The following LTV1 variants were observed in gnomAD, a reference collection of about 807,000 sequenced individuals.
LTV1 encodes the protein protein LTV1 homolog.
In LTV1, 39 loss-of-function variants were observed where a neutral mutation model predicts 59.9. That is an observed-to-expected ratio of 0.65 (90% CI 0.50 to 0.85). LTV1 has a LOEUF of 0.85. Ranked by LOEUF, LTV1 falls within the 40% of genes least tolerant of loss-of-function variation. LTV1 has a pLI of 0.00. For synonymous variants in LTV1, 171 were observed against 189.5 expected, an observed-to-expected ratio of 0.90 and a Z score of 0.80; for missense variants, 493 against 549.1, an observed-to-expected ratio of 0.90 and a Z score of 1.02.
Position 143,858,458 on chromosome 6 carries a change from CT to C in LTV1, c.795+454del, listed in dbSNP as rs1277065214. The C allele has an allele frequency of 1.7e-4, 29 of 167,670 alleles. No homozygotes were observed. The East Asian group carries it at 4.5e-3, about 26-fold the overall frequency. The allele number at this position is 167,670 out of a possible 1,614,324, so 10.4% of individuals were successfully genotyped here. The stretch of plus-strand genomic sequence containing the variant: ...CCTCACCATCTCTAATGTTGTGCTT[CT>C]TTATTATGTATGTCATATATGGATT... On this transcript the variant is annotated intron_variant, in intron 6 of 10. Transcript: ENST00000367576.
At chr6:143,848,181 A>G (rs1475709075) in intron 3 of LTV1, among the ~76,000 whole-genome samples, 1 of 152,232 alleles carries the variant, frequency 6.6e-6, no homozygotes, top group Non-Finnish European at 1.5e-5. Flanking sequence ...ATTTAACACA[A>G]ACTGACCTTG....
chr6:143,858,871 G>C (rs1412391758), intron 6 of LTV1, among the ~76,000 whole-genome samples: 1 of 152,068 alleles, frequency 6.6e-6, no homozygotes, highest in Admixed American at 6.6e-5. Flanking sequence ...TGAAAACAGC[G>C]TATCTCTTTA....
chr6:143,861,983 G>A (rs1459096643), intron 7 of LTV1, 121 bp from the exon 8 acceptor site: 8 of 915,162 alleles, frequency 8.7e-6, no homozygotes, highest in African/African-American at 1.7e-5. Context: ...TGGGTCACTG[G>A]AATATGTGCA....
intron 3 of LTV1, 38 bp from the exon 4 acceptor site, chr6:143,850,093 C>T: frequency 1.9e-6 from 3 of 1,540,284 alleles, no homozygotes; most frequent in Non-Finnish European, 2.7e-6. Context: ...AGAAGAATTT[C>T]CAAATAAACC....
chr6:143,862,534 C>T lies in LTV1; in HGVS notation c.1063+291C>T, dbSNP rs551648639. Among the ~76,000 whole-genome samples the T allele has an allele frequency of 3.3e-5, 5 of 151,964 alleles. No individual in the cohort carries two copies. The highest frequency in any genetic ancestry group is 5.9e-5 in the Non-Finnish European group (4 of 67,976). On this transcript the variant is annotated intron_variant, in intron 8 of 10. Coordinates refer to ENST00000367576, the MANE Select transcript of LTV1 (RefSeq NM_032860.5). The surrounding 1 kb of genome is among the most constrained non-coding windows in gnomAD (Gnocchi z 4.2). ...CTGGGAGGCAGAGGTTGCAATGAGC[C>T]GAGATCATGCCATTGCACTCCAACC...
At position 143,843,427 on chromosome 6, in the gene LTV1, C is replaced by G. The variant is rs372194067; in HGVS notation, c.-51C>G. 2 of 1,611,560 alleles carry G rather than the reference C, an allele frequency of 1.2e-6. No homozygotes were observed. The highest frequency in any genetic ancestry group is 1.3e-5 in the African/African-American group (1 of 75,030). ...GGACCTTGGTCTCCCCGCCGGACTT[C>G]GAGGGTGTCATCGCCGCCCCTGTTG... On this transcript the variant is annotated 5_prime_UTR_variant, in exon 1 of 11. Coordinates refer to ENST00000367576, the MANE Select transcript of LTV1 (RefSeq NM_032860.5).
rs915872634 is a variant in LTV1 at position 143,855,311 on chromosome 6, A to G, written c.398-1992A>G. On this transcript the variant is annotated intron_variant, in intron 4 of 10. Coordinates refer to ENST00000367576, the MANE Select transcript of LTV1 (RefSeq NM_032860.5). This position sits in a 1 kb window ranked among gnomAD's most constrained non-coding sequence, Gnocchi z 4.6. The stretch of plus-strand genomic sequence containing the variant: ...TCCATTTGCTTGGTAAATATCCTCC[A>G]TTCCTTTATTTTGAGTCTGTGTGCG... Among the ~76,000 whole-genome samples the G allele has an allele frequency of 1.3e-5, 2 of 151,982 alleles. No homozygotes were observed. Among genetic ancestry groups the G allele is most frequent in the African/African-American group, 4.8e-5 (2 of 41,374 alleles).
intron 6 of LTV1, among the ~76,000 whole-genome samples, chr6:143,859,504 T>C (rs906719491): frequency 1.1e-4 from 16 of 152,210 alleles, no homozygotes; most frequent in African/African-American, 3.1e-4. Flanking sequence ...AAGTTTAAAG[T>C]GTTCCATAAA....
At position 143,848,473 on chromosome 6, in the gene LTV1, G is replaced by GTA. The variant is rs994766710; in HGVS notation, c.310-1657_310-1656dup. Among the ~76,000 whole-genome samples the GTA allele has an allele frequency of 2.0e-5, 3 of 152,156 alleles. No individual in the cohort carries two copies. The South Asian group carries it at 6.2e-4, about 32-fold the overall frequency. On this transcript the variant is annotated intron_variant, in intron 3 of 10. Coordinates refer to ENST00000367576, the MANE Select transcript of LTV1 (RefSeq NM_032860.5). ...TCTTGCTGTGTGTACACTGCCATAT[G>GTA]TAGCCTTTACTCATGCTCCTCAGAG...
At chr6:143,861,683 G>C (rs1243220466) in intron 7 of LTV1, among the ~76,000 whole-genome samples, 1 of 152,152 alleles carries the variant, frequency 6.6e-6, no homozygotes, top group Admixed American at 6.5e-5. Flanking sequence ...TTCTCTGAGA[G>C]AAACTGATGA....
At position 143,850,210 on chromosome 6, in the gene LTV1, C is replaced by A; in HGVS notation, c.389C>A (p.Pro130Gln). 6.2e-7 allele frequency: 1 copy of A among 1,612,204 alleles called. No individual in the cohort carries two copies. Among genetic ancestry groups the A allele is most frequent in the Non-Finnish European group, 8.5e-7 (1 of 1,178,776 alleles). ...GTTGGATTGTTAAATAAAGCAGCTCCAGTTTCAGGTATTTTTAATTGCTTT... is the reference window on the plus strand; with the variant it reads ...GTTGGATTGTTAAATAAAGCAGCTCAAGTTTCAGGTATTTTTAATTGCTTT... ...EDVGLLNKAAPVSGPRLDFDP... is the reference protein window; with the variant it reads ...EDVGLLNKAAQVSGPRLDFDP... The change falls in exon 4 of 11, where the codon CCA (proline) becomes CAA (glutamine). Residue 130 changes from proline to glutamine, a missense_variant. By Grantham distance (76) the Pro-to-Gln change is moderately conservative (BLOSUM62 -1). Transcript: ENST00000367576.
chr6:143,858,116 A>G (rs560695368), intron 6 of LTV1, 109 bp downstream of exon 6: 6 of 1,012,018 alleles, frequency 5.9e-6, no homozygotes, highest in South Asian at 3.0e-5. Context: ...CACAAAGTCA[A>G]TCATAGGAAG....
chr6:143,846,691 G>C (rs1308207145), intron 3 of LTV1, among the ~76,000 whole-genome samples: 5 of 152,130 alleles, frequency 3.3e-5, no homozygotes, highest in Non-Finnish European at 7.3e-5. Flanking sequence ...CAAATGTTCG[G>C]TCCACTTTAA....
At chr6:143,849,108 T>G (rs1050255065) in intron 3 of LTV1, among the ~76,000 whole-genome samples, 1 of 152,190 alleles carries the variant, frequency 6.6e-6, no homozygotes, top group African/African-American at 2.4e-5. Context: ...TAAAGGAGCT[T>G]AATCTCGCCA....
At position 143,862,866 on chromosome 6, in the gene LTV1, C is replaced by A; in HGVS notation, c.1086C>A (p.Asn362Lys). Residue 362 changes from asparagine (N) to lysine (K), a missense_variant, in exon 9 of 11, where the codon AAC becomes AAA. Transcript: ENST00000367576. This position sits in a 1 kb window ranked among gnomAD's most constrained non-coding sequence, Gnocchi z 4.2. ...SICSTYSNLY[N>K]HPQLIKYQPK... ...TAGGTACATACTCAAATTTATATAA[C>A]CATCCACAGCTTATCAAGTATCAAC... The A allele has an allele frequency of 6.3e-7, 1 of 1,592,014 alleles. No individual in the cohort carries two copies. Among genetic ancestry groups the A allele is most frequent in the African/African-American group, 1.3e-5 (1 of 74,484 alleles).
In LTV1 at chr6:143,862,068, C is replaced by T; in HGVS notation, c.924-36C>T. 1 of 1,590,234 alleles carries T rather than the reference C, an allele frequency of 6.3e-7. No homozygotes were observed. The highest frequency in any genetic ancestry group is 2.2e-5 in the East Asian group (1 of 44,580). On this transcript the variant is annotated intron_variant, in intron 7 of 10. Coordinates refer to ENST00000367576, the MANE Select transcript of LTV1 (RefSeq NM_032860.5). The surrounding 1 kb of genome is among the most constrained non-coding windows in gnomAD (Gnocchi z 4.2). ...AGTATAATAATAGGTCATTTTTCCC[C>T]CTCTTGGTCTTCACTTTTAAAAACT...
At chr6:143,860,696 G>A in intron 7 of LTV1, 143 bp downstream of exon 7, 2 of 684,728 alleles carry the variant, frequency 2.9e-6, no homozygotes, top group Non-Finnish European at 4.4e-6. Context: ...AAGGAAAAAA[G>A]AAAAGGGGAA....
rs1777146309 is a variant in LTV1 at position 143,860,572 on chromosome 6, C to A, written c.923+19C>A. On this transcript the variant is annotated intron_variant, in intron 7 of 10. Coordinates refer to ENST00000367576, the MANE Select transcript of LTV1 (RefSeq NM_032860.5). ...CAGAGAAGTATAGTGACTTTTCCTTCCTTGTTTAGCTGTTCTTTTTTTTAA... is the reference window on the plus strand; with the variant it reads ...CAGAGAAGTATAGTGACTTTTCCTTACTTGTTTAGCTGTTCTTTTTTTTAA... The A allele has an allele frequency of 1.3e-6, 2 of 1,579,336 alleles. No individual in the cohort carries two copies. The highest frequency in any genetic ancestry group is 2.4e-5 in the South Asian group (2 of 82,790).
intron 2 of LTV1, among the ~76,000 whole-genome samples, chr6:143,845,500 A>G (rs1046583097): frequency 3.3e-5 from 5 of 152,178 alleles, no homozygotes; most frequent in Admixed American, 6.5e-5. Context: ...CTTAGCCTCC[A>G]GAGTAGCCGG....
Sources: allele counts gnomAD v4.1 joint callset (sites outside exome capture counted in the v4.1 genomes callset), GRCh38; gene constraint gnomAD v4.1.1; non-coding constraint Gnocchi (gnomAD v3.1); transcripts MANE v1.5; gene names NCBI Gene and HGNC (gene_info 2026-07-23, HGNC 2026-07-21).